The following KLF12 variants were observed in gnomAD, a reference collection of about 807,000 sequenced individuals.
KLF12 encodes the protein Krueppel-like factor 12.
In KLF12, 9 loss-of-function variants were observed where a neutral mutation model predicts 37.8. The observed-to-expected ratio is 0.24, with a 90% CI of 0.14 to 0.42. KLF12 has a LOEUF of 0.42. Ranked by LOEUF, KLF12 falls within the 10% of genes least tolerant of loss-of-function variation. The pLI, the probability that KLF12 is intolerant of heterozygous loss-of-function variation, is 1.00. For missense variants in KLF12, 411 were observed against 516.0 expected (o/e 0.80, Z 1.97); for synonymous variants, 208 against 202.1 (o/e 1.03, Z -0.25).
At chr13:73,728,000 A>C (rs1189933238) in intron 6 of KLF12, among the ~76,000 whole-genome samples, 7 of 152,222 alleles carry the variant, frequency 4.6e-5, no homozygotes, top group African/African-American at 1.7e-4. Flanking sequence ...GCCAGCCATC[A>C]TCGATTTCTG....
chr13:73,939,936 G>A (rs1890115418), intron 3 of KLF12, among the ~76,000 whole-genome samples: 1 of 152,178 alleles, frequency 6.6e-6, no homozygotes, highest in African/African-American at 2.4e-5. Context: ...TCATAGAATG[G>A]CAGACTTCAC....
chr13:73,981,742 A>AT (rs1272875355), intron 2 of KLF12, among the ~76,000 whole-genome samples: 1 of 152,150 alleles, frequency 6.6e-6, no homozygotes, highest in Non-Finnish European at 1.5e-5. Context: ...TTAGGAGGTG[A>AT]TTTACGAAGC....
At chr13:73,996,605 C>T (rs1438157998) in intron 1 of KLF12, among the ~76,000 whole-genome samples, 2 of 152,206 alleles carry the variant, frequency 1.3e-5, no homozygotes, top group Non-Finnish European at 2.9e-5. Flanking sequence ...TCATTATTTA[C>T]TTCTTAACTT....
intron 3 of KLF12, among the ~76,000 whole-genome samples, chr13:73,898,086 T>G (rs1394106843): frequency 6.6e-6 from 1 of 152,176 alleles, no homozygotes; most frequent in Admixed American, 6.5e-5. Context: ...TGCTTCTCCT[T>G]CAGGCATCTA....
the KLF12 span, among the ~76,000 whole-genome samples, chr13:74,262,287 T>C: frequency 9.9e-5 from 15 of 152,056 alleles, no homozygotes; most frequent in Non-Finnish European, 4.4e-5. Context: ...CTGTAGGAGG[T>C]TGGATCAATA....
At chr13:74,206,550 A>G in the KLF12 span, among the ~76,000 whole-genome samples, 1 of 152,034 alleles carries the variant, frequency 6.6e-6, no homozygotes, top group South Asian at 2.1e-4. Flanking sequence ...CCCCCAGGAA[A>G]TTGGGTAATT....
At chr13:73,923,843 G>C (rs1426152612) in intron 3 of KLF12, among the ~76,000 whole-genome samples, 2 of 152,202 alleles carry the variant, frequency 1.3e-5, no homozygotes, top group Non-Finnish European at 2.9e-5. Flanking sequence ...TTTGAAGATA[G>C]TTGTATTCCA....
intron 3 of KLF12, among the ~76,000 whole-genome samples, chr13:73,859,287 T>C (rs1885788308): frequency 6.6e-6 from 1 of 152,108 alleles, no homozygotes. Context: ...TCCGGTAAAG[T>C]TTTCCTCTCT....
At chr13:74,024,637 T>C (rs1371507692) in intron 1 of KLF12, among the ~76,000 whole-genome samples, 1 of 152,220 alleles carries the variant, frequency 6.6e-6, no homozygotes, top group Non-Finnish European at 1.5e-5. Flanking sequence ...CTTCTTCAGC[T>C]TCAAGTATCC....
chr13:74,051,191 A>G (rs1302537055), intron 1 of KLF12, among the ~76,000 whole-genome samples: 5 of 152,192 alleles, frequency 3.3e-5, no homozygotes, highest in Non-Finnish European at 7.4e-5. Flanking sequence ...TATGTAACCA[A>G]AGTAAATGAA....
chr13:74,211,253 GT>G, the KLF12 span, among the ~76,000 whole-genome samples: 2 of 152,132 alleles, frequency 1.3e-5, no homozygotes, highest in African/African-American at 2.4e-5. Flanking sequence ...TTGCTGGTTT[GT>G]TGTTTGGGTT....
At chr13:74,053,530 T>C (rs187430103) in intron 1 of KLF12, among the ~76,000 whole-genome samples, 88 of 152,168 alleles carry the variant, frequency 5.8e-4, no homozygotes, top group African/African-American at 2.1e-3. Context: ...TATAGAGAAG[T>C]TAAAAGCCCG....
chr13:74,005,672 T>C (rs1303613658), intron 1 of KLF12, among the ~76,000 whole-genome samples: 1 of 152,186 alleles, frequency 6.6e-6, no homozygotes, highest in African/African-American at 2.4e-5. Context: ...TGTTCAACTT[T>C]AACATGAAAA....
chr13:73,909,882 C>G (rs1253237038), intron 3 of KLF12, among the ~76,000 whole-genome samples: 3 of 152,284 alleles, frequency 2.0e-5, no homozygotes, highest in African/African-American at 4.8e-5. Context: ...CAAGAATCCT[C>G]TCAATTTGGT....
At chr13:73,940,677 T>C (rs1170103454) in intron 3 of KLF12, among the ~76,000 whole-genome samples, 1 of 152,248 alleles carries the variant, frequency 6.6e-6, no homozygotes, top group African/African-American at 2.4e-5. Context: ...ATTCACCATG[T>C]GCCAGAAACT....
intron 2 of KLF12, among the ~76,000 whole-genome samples, chr13:73,951,636 A>G (rs1890651497): frequency 6.6e-6 from 1 of 152,196 alleles, no homozygotes; most frequent in Non-Finnish European, 1.5e-5. Flanking sequence ...AGGCAAACTG[A>G]TCCCATATAC....
chr13:74,040,333 A>G (rs1320871468), intron 1 of KLF12, among the ~76,000 whole-genome samples: 2 of 152,184 alleles, frequency 1.3e-5, no homozygotes, highest in East Asian at 1.9e-4. Flanking sequence ...AGGAAGAGAA[A>G]AAGTGTGCTC....
At chr13:73,813,952 G>A (rs562100865) in intron 4 of KLF12, among the ~76,000 whole-genome samples, 7 of 152,264 alleles carry the variant, frequency 4.6e-5, no homozygotes, top group Admixed American at 4.6e-4. Context: ...TTCTCCAATC[G>A]TGAATTTGCC....
chr13:74,135,606 G>T (rs1234469024), upstream of KLF12, among the ~76,000 whole-genome samples: 1 of 151,212 alleles, frequency 6.6e-6, no homozygotes, highest in Admixed American at 6.6e-5. Context: ...GGCGGGCGGG[G>T]CGCGCGGCGG....
Sources: allele counts gnomAD v4.1 joint callset (sites outside exome capture counted in the v4.1 genomes callset), GRCh38; gene constraint gnomAD v4.1.1; transcripts MANE v1.5; gene names NCBI Gene and HGNC (gene_info 2026-07-23, HGNC 2026-07-21).